Variants in ARFGEF1 observed in about 807,000 individuals in gnomAD.
ARFGEF1 encodes brefeldin A-inhibited guanine nucleotide-exchange protein 1.
ARFGEF1 carries 42 observed loss-of-function variants against 231.0 expected under a neutral mutation model. The observed-to-expected ratio is 0.18, with a 90% CI of 0.14 to 0.24. The LOEUF (loss-of-function observed/expected upper bound fraction) is 0.24, where lower values mean the gene tolerates loss of function less well. ARFGEF1 is among the 10% of genes least tolerant of loss of function. The pLI is 1.00. For missense variants in ARFGEF1, 1,345 were observed against 2,192.0 expected (o/e 0.61, Z 7.72); for synonymous variants, 710 against 732.3 (o/e 0.97, Z 0.49).
Position 67,301,322 on chromosome 8 carries a change from T to C in ARFGEF1, c.214A>G (p.Thr72Ala), listed in dbSNP as rs1158477924. The C allele has an allele frequency of 1.2e-6, 2 of 1,614,134 alleles. No individual in the cohort carries two copies. Among genetic ancestry groups the C allele is most frequent in the South Asian group, 1.1e-5 (1 of 91,070 alleles). Residue 72 changes from threonine (T) to alanine (A), a missense_variant, in exon 3 of 39, where the codon ACA becomes GCA. Physicochemically the swap from Thr to Ala is moderately conservative, Grantham distance 58 (BLOSUM62 0). Transcript: ENST00000262215. ...SSTLPPVKSK[T>A]NFIEADKYFL... ...TACTTGTCTGCTTCAATAAAATTTG[T>C]CTTTGATTTCACTGGTGGAAGGGTG...
At chr8:67,273,462 T>C (rs1178640261) in intron 9 of ARFGEF1, among the ~76,000 whole-genome samples, 1 of 149,668 alleles carries the variant, frequency 6.7e-6, no homozygotes. Flanking sequence ...CAAATGCTGC[T>C]TTCAGTCACA....
chr8:67,178,492 G>A (rs1157685504), intron 5 of ARFGEF1, among the ~76,000 whole-genome samples: 3 of 152,320 alleles, frequency 2.0e-5, no homozygotes, highest in Admixed American at 6.5e-5. Context: ...TCCAGAAGGA[G>A]GGAGAGACAG....
In ARFGEF1 at chr8:67,203,165, T is replaced by C. The variant is rs969514262; in HGVS notation, c.5046A>G (p.Leu1682=). The C allele has an allele frequency of 6.2e-7, 1 of 1,614,118 alleles. No homozygotes were observed. Among genetic ancestry groups the C allele is most frequent in the African/African-American group, 1.3e-5 (1 of 74,950 alleles). Reference sequence around the variant, plus strand: ...TATGTGACTCTAATAAGCAGTCCAGTAGCTTAAAAAGTTGTTGTGATGTTA... The same window carrying C: ...TATGTGACTCTAATAAGCAGTCCAGCAGCTTAAAAAGTTGTTGTGATGTTA... The part of the protein sequence containing the change: ...RFLTSQQLFK[L]LDCLLESHRF... The change falls in exon 36 of 39, where the codon CTA becomes CTG. Residue 1682 remains leucine, a synonymous_variant. Coordinates refer to ENST00000262215, the MANE Select transcript of ARFGEF1 (RefSeq NM_006421.5).
At chr8:67,182,371 G>A (rs1426354370) in intron 5 of ARFGEF1, among the ~76,000 whole-genome samples, 5 of 151,276 alleles carry the variant, frequency 3.3e-5, no homozygotes, top group Non-Finnish European at 7.4e-5. Context: ...ACCACGTTTT[G>A]TTTATCCAAT....
intron 5 of ARFGEF1, 93 bp downstream of exon 5, chr8:67,296,338 G>A (rs182910458): frequency 2.0e-5 from 23 of 1,122,368 alleles, no homozygotes; most frequent in African/African-American, 2.0e-4. Flanking sequence ...CTTTTCTACA[G>A]GTACAAAGAT....
chr8:67,208,629 CAAAAAAA>C, intron 34 of ARFGEF1, among the ~76,000 whole-genome samples: 1 of 50,546 alleles, frequency 2.0e-5, no homozygotes, highest in East Asian at 6.7e-4. Context: ...GACTCCATCT[CAAAAAAA>C]AAAAAAAAAA....
At chr8:67,241,254 G>A (rs554771812) in intron 19 of ARFGEF1, among the ~76,000 whole-genome samples, 6 of 151,674 alleles carry the variant, frequency 4.0e-5, no homozygotes, top group East Asian at 1.9e-4. Context: ...TCTCAGCTCC[G>A]CCACTTATTT....
At position 67,227,694 on chromosome 8, in the gene ARFGEF1, T is replaced by C. The variant is rs1587086272; in HGVS notation, c.3592-96A>G. On this transcript the variant is annotated intron_variant, in intron 25 of 38. Coordinates refer to ENST00000262215, the MANE Select transcript of ARFGEF1 (RefSeq NM_006421.5). ...GTTTTAGAAAAAGTATAGAATAGCA[T>C]AGATAGGTAAATCCTAAGATTTTCC... 7 of 1,314,660 alleles carry C rather than the reference T, an allele frequency of 5.3e-6. No homozygotes were observed. In the Admixed American group the frequency reaches 6.7e-5, roughly 13 times the overall value. 81.4% of individuals were successfully genotyped at this position (1,314,660 alleles called of 1,614,324 possible). A position where few individuals can be genotyped will look rare whatever the true frequency, so the allele number is the denominator to read the frequency against.
chr8:67,221,968 C>A (rs1349569295), intron 29 of ARFGEF1, among the ~76,000 whole-genome samples: 2 of 151,312 alleles, frequency 1.3e-5, no homozygotes, highest in South Asian at 2.1e-4. Flanking sequence ...TGCCCACCAC[C>A]ACGCCCGGCT....
chr8:67,248,175 T>C (rs1182654183), intron 19 of ARFGEF1, among the ~76,000 whole-genome samples: 4 of 149,590 alleles, frequency 2.7e-5, no homozygotes, highest in Non-Finnish European at 1.5e-5. Flanking sequence ...AGACCCAGAA[T>C]AGCCAAAGCT....
At chr8:67,275,217 A>G (rs928835189) in intron 9 of ARFGEF1, among the ~76,000 whole-genome samples, 1 of 146,948 alleles carries the variant, frequency 6.8e-6, no homozygotes, top group African/African-American at 2.5e-5. Context: ...AAGTTCTAAA[A>G]TTGTCATATT....
At chr8:67,222,165 A>G (rs1839189374) in intron 29 of ARFGEF1, among the ~76,000 whole-genome samples, 2 of 114,162 alleles carry the variant, frequency 1.8e-5, no homozygotes, top group Admixed American at 1.8e-4. Context: ...TTTTCCATGC[A>G]TATATATATA....
rs369313693 is a variant in ARFGEF1 at position 67,332,997 on chromosome 8, T to C, written c.124+10167A>G. ...CATACAGTAAACACTCAATAAATGTTAGCTATTCTTTTTCCTCCTATTATT... is the reference window on the plus strand; with the variant it reads ...CATACAGTAAACACTCAATAAATGTCAGCTATTCTTTTTCCTCCTATTATT... On this transcript the variant is annotated intron_variant, in intron 1 of 38. Transcript: ENST00000262215. 2.2e-4 allele frequency among the ~76,000 whole-genome samples: 33 copies of C among 152,268 alleles called. No individual in the cohort carries two copies. The East Asian group carries it at 4.6e-3, about 21-fold the overall frequency.
chr8:67,202,220 C>T (rs1838355720), intron 36 of ARFGEF1, among the ~76,000 whole-genome samples: 1 of 152,100 alleles, frequency 6.6e-6, no homozygotes, highest in South Asian at 2.1e-4. Flanking sequence ...CCTCATCCTC[C>T]CAGCACTGTT....
intron 14 of ARFGEF1, among the ~76,000 whole-genome samples, chr8:67,261,667 G>T (rs1804625433): frequency 6.6e-6 from 1 of 152,148 alleles, no homozygotes; most frequent in Non-Finnish European, 1.5e-5. Context: ...GCCCTTGGAT[G>T]AAAGAGTGAT....
intron 17 of ARFGEF1, among the ~76,000 whole-genome samples, chr8:67,255,993 T>G (rs1458147209): frequency 6.6e-6 from 1 of 152,382 alleles, no homozygotes; most frequent in South Asian, 2.1e-4. Flanking sequence ...ATTGCACAGG[T>G]GCATATAATA....
intron 1 of ARFGEF1, among the ~76,000 whole-genome samples, chr8:67,337,925 A>G (rs960530272): frequency 2.0e-5 from 3 of 152,256 alleles, no homozygotes; most frequent in African/African-American, 4.8e-5. Flanking sequence ...TGAGGAGTTC[A>G]ACAAATATCT....
At chr8:67,310,815 G>C (rs1453329592) in intron 1 of ARFGEF1, among the ~76,000 whole-genome samples, 1 of 150,722 alleles carries the variant, frequency 6.6e-6, no homozygotes, top group Non-Finnish European at 1.5e-5. Flanking sequence ...GAGACCCTGT[G>C]CCTGGCAACC....
intron 1 of ARFGEF1, among the ~76,000 whole-genome samples, chr8:67,328,980 G>C (rs1258191492): frequency 6.6e-6 from 1 of 152,076 alleles, no homozygotes; most frequent in Non-Finnish European, 1.5e-5. Flanking sequence ...ATAATCCCTG[G>C]ACTTTGGAAG....
Sources: gnomAD v4.1 joint callset for allele counts (sites outside exome capture counted in the v4.1 genomes callset) on GRCh38, gnomAD v4.1.1 for gene constraint, MANE v1.5 for transcripts, NCBI Gene and HGNC (gene_info 2026-07-23, HGNC 2026-07-21) for gene names.